Variants in AQP9 observed in about 807,000 individuals in gnomAD.
AQP9 encodes aquaporin-9.
Under a neutral mutation model 23.8 loss-of-function variants are expected in AQP9, and 19 were observed. The ratio of observed to expected loss-of-function variants is 0.80; its 90% CI spans 0.56 to 1.17. The LOEUF is 1.17. AQP9 is among the 50% of genes most tolerant of loss of function. AQP9 has a pLI of 0.00. For synonymous variants in AQP9, 153 were observed against 131.5 expected (o/e 1.16, Z -1.12); for missense variants, 413 against 362.0 (o/e 1.14, Z -1.14).
chr15:58,181,382 G>A (rs1478391720), intron 5 of AQP9, among the ~76,000 whole-genome samples: 4 of 152,186 alleles, frequency 2.6e-5, no homozygotes, highest in Admixed American at 6.5e-5. Flanking sequence ...ACACAAGGTT[G>A]AAGCAGTCAA....
chr15:58,149,846 C>T (rs181811354), intron 1 of AQP9, among the ~76,000 whole-genome samples: 1 of 152,292 alleles, frequency 6.6e-6, no homozygotes, highest in East Asian at 1.9e-4. Context: ...TGACTCCCTT[C>T]TCAAGAATGG....
intron 1 of AQP9, among the ~76,000 whole-genome samples, chr15:58,139,371 T>C (rs1229568806): frequency 6.6e-6 from 1 of 152,212 alleles, no homozygotes; most frequent in Non-Finnish European, 1.5e-5. Flanking sequence ...CCCAGAGATT[T>C]ACTCAGCTAT....
intron 1 of AQP9, among the ~76,000 whole-genome samples, chr15:58,148,837 A>G (rs1190068373): frequency 2.0e-5 from 3 of 152,034 alleles, no homozygotes; most frequent in Middle Eastern, 3.4e-3. Context: ...GCTTTTTTCT[A>G]CTTGGAGAGC....
Position 58,184,032 on chromosome 15 carries a change from A to C in AQP9, c.785A>C (p.Tyr262Ser). The change falls in exon 6 of 6, where the codon TAT (tyrosine) becomes TCT (serine). Residue 262 changes from tyrosine (Y) to serine (S), a missense_variant. Coordinates refer to ENST00000219919, the MANE Select transcript of AQP9 (RefSeq NM_020980.5). ...LVGAVIGGLI[Y>S]VLVIEIHHPE... ...GGTGCTGTCATTGGAGGCCTCATCT[A>C]TGTTCTTGTCATTGAAATCCACCAT... The C allele has an allele frequency of 6.2e-7, 1 of 1,614,100 alleles. No homozygotes were observed. Among genetic ancestry groups the C allele is most frequent in the South Asian group, 1.1e-5 (1 of 91,076 alleles).
intron 1 of AQP9, among the ~76,000 whole-genome samples, chr15:58,160,821 T>A (rs1034274810): frequency 6.6e-6 from 1 of 152,172 alleles, no homozygotes; most frequent in South Asian, 2.1e-4. Flanking sequence ...TTTCAGCTCA[T>A]CATTAAGAAT....
intron 1 of AQP9, among the ~76,000 whole-genome samples, chr15:58,148,670 A>G (rs1266219081): frequency 1.3e-5 from 2 of 152,166 alleles, no homozygotes; most frequent in African/African-American, 4.8e-5. Context: ...GGTCCTTGGG[A>G]TGGTGATCAA....
At position 58,185,049 on chromosome 15, in the gene AQP9, T is replaced by C. The variant is rs1480091526; in HGVS notation, c.*914T>C. On this transcript the variant is annotated 3_prime_UTR_variant, in exon 6 of 6. Coordinates refer to ENST00000219919, the MANE Select transcript of AQP9 (RefSeq NM_020980.5). ...GCCAAAACTGAAAGCCACTGGATCC[T>C]GGTCTAGCTGAATCTTCAGAGTGGG... The C allele has an allele frequency of 6.6e-6, 1 of 152,226 alleles. No homozygotes were observed. The highest frequency in any genetic ancestry group is 1.5e-5 in the Non-Finnish European group (1 of 68,038). The allele number at this position is 152,226 out of a possible 1,614,324, so 9.4% of individuals were successfully genotyped here.
At chr15:58,143,917 G>T (rs1179110421) in intron 1 of AQP9, among the ~76,000 whole-genome samples, 1 of 152,158 alleles carries the variant, frequency 6.6e-6, no homozygotes, top group African/African-American at 2.4e-5. Context: ...TTATAAAATT[G>T]CTCTCCAAAG....
chr15:58,142,873 G>A (rs1897975675), intron 1 of AQP9, among the ~76,000 whole-genome samples: 1 of 152,150 alleles, frequency 6.6e-6, no homozygotes, highest in Admixed American at 6.5e-5. Context: ...AGAGCTGTCA[G>A]TTGGCCAACA....
chr15:58,160,481 T>G (rs988410389), intron 1 of AQP9, among the ~76,000 whole-genome samples: 4 of 152,064 alleles, frequency 2.6e-5, no homozygotes, highest in African/African-American at 9.7e-5. Context: ...AGAAATGGGG[T>G]TTCTTTTGTG....
chr15:58,183,690 T>G (rs1027598482), intron 5 of AQP9, among the ~76,000 whole-genome samples: 16 of 152,088 alleles, frequency 1.1e-4, no homozygotes, highest in Non-Finnish European at 1.3e-4. Context: ...AACGATGGGC[T>G]CAGGCACTAT....
At chr15:58,162,704 T>C (rs951486993) in intron 1 of AQP9, among the ~76,000 whole-genome samples, 2 of 152,184 alleles carry the variant, frequency 1.3e-5, no homozygotes, top group African/African-American at 2.4e-5. Context: ...AGCAACCATA[T>C]TGTAAAGAAG....
chr15:58,161,517 TCTTATCAG>T (rs1304446249), intron 1 of AQP9, among the ~76,000 whole-genome samples: 20 of 152,282 alleles, frequency 1.3e-4, no homozygotes, highest in Admixed American at 9.8e-4. Flanking sequence ...AACTTGAAGA[TCTTATCAG>T]CTTCCCGCTT....
intron 1 of AQP9, among the ~76,000 whole-genome samples, chr15:58,141,298 G>A (rs1897948837): frequency 6.6e-6 from 1 of 152,294 alleles, no homozygotes; most frequent in Non-Finnish European, 1.5e-5. Context: ...TGAAGATGCT[G>A]AAGTGAACAA....
Position 58,179,330 on chromosome 15 carries a change from G to A in AQP9, c.698G>A (p.Gly233Glu). 6.2e-7 allele frequency: 1 copy of A among 1,612,870 alleles called. No individual in the cohort carries two copies. Among genetic ancestry groups the A allele is most frequent in the Non-Finnish European group, 8.5e-7 (1 of 1,179,480 alleles). The change falls in exon 5 of 6, where the codon GGG becomes GAG. Residue 233 changes from glycine (G) to glutamate (E), a missense_variant. By Grantham distance (98) the Gly-to-Glu change is moderately conservative. Transcript: ENST00000219919. ...PRLFTALAGW[G>E]FEVFRAGNNF... is the part of the protein sequence containing the mutation. ...CTTTTCACTGCCTTGGCAGGCTGGGGGTTTGAAGTCTTCAGGTAAGTAACA... is the reference window on the plus strand; with the variant it reads ...CTTTTCACTGCCTTGGCAGGCTGGGAGTTTGAAGTCTTCAGGTAAGTAACA...
chr15:58,161,361 C>G (rs1898379812), intron 1 of AQP9, among the ~76,000 whole-genome samples: 2 of 152,168 alleles, frequency 1.3e-5, no homozygotes, highest in Non-Finnish European at 2.9e-5. Flanking sequence ...CAATGAAAGT[C>G]TTTTCCTTCT....
At chr15:58,146,726 G>A (rs75179371) in intron 1 of AQP9, 2 of 152,286 alleles carry the variant, frequency 1.3e-5, no homozygotes, top group East Asian at 3.9e-4. Flanking sequence ...TTCCAGAGCA[G>A]GTTTGCATTT....
rs532125403 is a variant in AQP9 at position 58,150,795 on chromosome 15, TCAC to T, written c.111+12123_111+12125del. On this transcript the variant is annotated intron_variant, in intron 1 of 5. Coordinates refer to ENST00000219919, the MANE Select transcript of AQP9 (RefSeq NM_020980.5). ...TTCTCTAGAAAATTCTTCCTAGTGG[TCAC>T]CACATTTCTCCTGTTCAACTTAGAA... 3.9e-5 allele frequency: 6 copies of T among 152,298 alleles called. No homozygotes were observed. The East Asian group carries it at 5.8e-4, about 15-fold the overall frequency. 9.4% of individuals were successfully genotyped at this position (152,298 alleles called of 1,614,324 possible).
intron 1 of AQP9, among the ~76,000 whole-genome samples, chr15:58,141,401 T>G (rs960430233): frequency 2.9e-4 from 44 of 152,328 alleles, no homozygotes; most frequent in Non-Finnish European, 4.7e-4. Context: ...GTCGGACAGA[T>G]GCTGAATTCT....
Sources: gnomAD v4.1 joint callset for allele counts (sites outside exome capture counted in the v4.1 genomes callset) on GRCh38, gnomAD v4.1.1 for gene constraint, MANE v1.5 for transcripts, NCBI Gene and HGNC (gene_info 2026-07-23, HGNC 2026-07-21) for gene names.